GSG1L: variants seen among roughly 807,000 people sequenced by gnomAD.
The protein encoded by GSG1L is germ cell-specific gene 1-like protein.
A neutral mutation model predicts 42.1 loss-of-function variants in GSG1L; 24 were observed. The observed-to-expected ratio is 0.57, with a 90% CI of 0.41 to 0.80. The LOEUF is 0.80. GSG1L is among the 30% of genes least tolerant of loss of function. The probability of loss-of-function intolerance (pLI) is 0.00; values close to 1 mark genes in which losing one functional copy is unlikely to be tolerated. For missense variants in GSG1L, 445 were observed against 472.2 expected, an observed-to-expected ratio of 0.94 and a Z score of 0.53; for synonymous variants, 215 against 203.5, an observed-to-expected ratio of 1.06 and a Z score of -0.48.
rs56907675 is a variant in GSG1L, at chr16:27,836,094, T to C, written c.663-7138A>G. Among the ~76,000 whole-genome samples, 1,207 of 152,264 alleles carry C rather than the reference T, an allele frequency of 7.9e-3. 17 individuals carry two copies. The highest frequency in any genetic ancestry group is 0.028 in the African/African-American group (1,144 of 41,562). On this transcript the variant is annotated intron_variant, in intron 4 of 6. Coordinates refer to ENST00000447459, the MANE Select transcript of GSG1L (RefSeq NM_001109763.2). ...CGTGATTTCCCCTTCATTTCTAAAG[T>C]ATATTTTTGCCACGTATAGAATTTT...
chr16:27,872,451 A>G (rs2083833076), intron 3 of GSG1L, among the ~76,000 whole-genome samples: 1 of 152,172 alleles, frequency 6.6e-6, no homozygotes, highest in African/African-American at 2.4e-5. Context: ...GGACAATAAG[A>G]GCACCTACCA....
chr16:27,862,182 A>G (rs1283356552), intron 3 of GSG1L, among the ~76,000 whole-genome samples: 1 of 152,232 alleles, frequency 6.6e-6, no homozygotes, highest in Non-Finnish European at 1.5e-5. Context: ...ACTATGTTAC[A>G]TAAGATTGTG....
chr16:27,836,818 G>A (rs2083326233), intron 4 of GSG1L, among the ~76,000 whole-genome samples: 1 of 152,146 alleles, frequency 6.6e-6, no homozygotes, highest in Non-Finnish European at 1.5e-5. Context: ...ATTTCAGCAT[G>A]GATCTATTGA....
chr16:27,801,696 C>T (rs1171271110), intron 6 of GSG1L, among the ~76,000 whole-genome samples: 3 of 152,134 alleles, frequency 2.0e-5, no homozygotes, highest in Non-Finnish European at 4.4e-5. Context: ...TCCTCAGTAC[C>T]CTGCCCAACC....
chr16:27,911,643 G>A (rs1302344122), intron 2 of GSG1L, among the ~76,000 whole-genome samples: 1 of 152,030 alleles, frequency 6.6e-6, no homozygotes, highest in Admixed American at 6.6e-5. Flanking sequence ...CTGTGCACCT[G>A]CTGTTCTGCT....
chr16:28,054,445 A>G (rs1424606099), intron 1 of GSG1L, among the ~76,000 whole-genome samples: 2 of 152,102 alleles, frequency 1.3e-5, no homozygotes, highest in African/African-American at 2.4e-5. Flanking sequence ...CCTGGCCAAC[A>G]TGGTGAAACT....
intron 2 of GSG1L, among the ~76,000 whole-genome samples, chr16:27,932,279 C>T (rs1172712879): frequency 6.6e-6 from 1 of 152,126 alleles, no homozygotes; most frequent in Non-Finnish European, 1.5e-5. Context: ...TCTTGAACTC[C>T]TGACCTCAAG....
At chr16:27,856,707 A>G (rs1473421467) in intron 3 of GSG1L, among the ~76,000 whole-genome samples, 2 of 152,238 alleles carry the variant, frequency 1.3e-5, no homozygotes, top group African/African-American at 4.8e-5. Flanking sequence ...GGTGATCTGA[A>G]GGTTCCTTTC....
chr16:27,804,262 C>T (rs11861983), intron 6 of GSG1L, among the ~76,000 whole-genome samples: 6,089 of 152,162 alleles, frequency 0.04, 364 homozygotes, highest in African/African-American at 0.13. Flanking sequence ...CTCCCATTGC[C>T]CTCCCTGCCT....
chr16:27,839,678 T>C (rs1055388733), intron 4 of GSG1L, among the ~76,000 whole-genome samples: 1 of 152,230 alleles, frequency 6.6e-6, no homozygotes, highest in African/African-American at 2.4e-5. Context: ...CTCAGCCTTA[T>C]CTCCAGGCTG....
intron 4 of GSG1L, among the ~76,000 whole-genome samples, chr16:27,830,462 G>T (rs1445301326): frequency 6.6e-6 from 1 of 151,150 alleles, no homozygotes; most frequent in Non-Finnish European, 1.5e-5. Flanking sequence ...AAAATCTGAG[G>T]ACTCTGCCTT....
At position 27,943,021 on chromosome 16, in the gene GSG1L, G is replaced by C. The variant is rs547516697; in HGVS notation, c.397+20135C>G. Among the ~76,000 whole-genome samples, 7 of 152,244 alleles carry C rather than the reference G, an allele frequency of 4.6e-5. No homozygotes were observed. The East Asian group carries it at 1.4e-3, about 29-fold the overall frequency. On this transcript the variant is annotated intron_variant, in intron 2 of 6. Transcript: ENST00000447459. ...TTCTAGTTCAGGAGGTCCGTAGTGG[G>C]ACTTGAGAATTTGCAGAGTGGTTTT...
rs1261512634 is a variant in GSG1L, at chr16:28,063,477, A to C, written c.-53T>G. 9.1e-6 allele frequency: 10 copies of C among 1,100,788 alleles called. No homozygotes were observed. The highest frequency in any genetic ancestry group is 3.8e-4 in the Middle Eastern group (1 of 2,644). The allele number at this position is 1,100,788 out of a possible 1,614,324, so 68.2% of individuals were successfully genotyped here. A position where few individuals can be genotyped will look rare whatever the true frequency, so the allele number is the denominator to read the frequency against. On this transcript the variant is annotated 5_prime_UTR_variant, in exon 1 of 7. Transcript: ENST00000447459. The surrounding 1 kb of genome is among the most constrained non-coding windows in gnomAD (Gnocchi z 5.8). ...CACCGCCGGGGAGCTCCGCGCGCGA[A>C]GTTGGCAGCTGGCGCCCCGCGTCAG...
rs1555507789 is a variant in GSG1L at position 27,911,280 on chromosome 16, T to TCTCTCTCTCTC, written c.398-26653_398-26643dup. On this transcript the variant is annotated intron_variant, in intron 2 of 6. Transcript: ENST00000447459. ...ACCTCTCTCTCGCTCTCTCTCTCTC[T>TCTCTCTCTCTC]CTCTCTCTCTCTCTCCTCTCTCTCT... 1.0e-3 allele frequency among the ~76,000 whole-genome samples: 144 copies of TCTCTCTCTCTC among 144,288 alleles called. 1 individual carries two copies. Among genetic ancestry groups the TCTCTCTCTCTC allele is most frequent in the Middle Eastern group, 3.6e-3 (1 of 280 alleles). 94.7% of individuals were successfully genotyped at this position (144,288 alleles called of 152,430 possible).
chr16:28,050,826 T>C (rs146981171), intron 1 of GSG1L, among the ~76,000 whole-genome samples: 1 of 152,312 alleles, frequency 6.6e-6, no homozygotes, highest in East Asian at 1.9e-4. Flanking sequence ...TAAGCCACCA[T>C]CACCAATGTA....
At chr16:27,994,030 C>G (rs2085486110) in intron 1 of GSG1L, among the ~76,000 whole-genome samples, 1 of 150,644 alleles carries the variant, frequency 6.6e-6, no homozygotes, top group African/African-American at 2.5e-5. Flanking sequence ...CAGGCCCCCA[C>G]TGCACAGGAG....
intron 2 of GSG1L, among the ~76,000 whole-genome samples, chr16:27,911,735 T>C (rs560579314): frequency 1.3e-5 from 2 of 152,302 alleles, no homozygotes; most frequent in East Asian, 3.9e-4. Flanking sequence ...TTTGCTCAAA[T>C]GTCACCTTCT....
intron 3 of GSG1L, among the ~76,000 whole-genome samples, chr16:27,852,487 A>G (rs2083526507): frequency 6.6e-6 from 1 of 151,832 alleles, no homozygotes; most frequent in African/African-American, 2.4e-5. Context: ...AGGTCAGAAG[A>G]GGCTCCCACA....
intron 2 of GSG1L, among the ~76,000 whole-genome samples, chr16:27,951,837 C>T (rs2084953460): frequency 6.6e-6 from 1 of 152,234 alleles, no homozygotes; most frequent in Non-Finnish European, 1.5e-5. Flanking sequence ...AGGCGGAGAA[C>T]AGAGAGGTTG....
Sources: gnomAD v4.1 joint callset for allele counts (sites outside exome capture counted in the v4.1 genomes callset) on GRCh38, gnomAD v4.1.1 for gene constraint, Gnocchi (gnomAD v3.1) non-coding constraint, MANE v1.5 for transcripts, NCBI Gene and HGNC (gene_info 2026-07-23, HGNC 2026-07-21) for gene names.